Variants in ATP1B3 observed in about 807,000 individuals in gnomAD.
ATP1B3 encodes sodium/potassium-transporting ATPase subunit beta-3.
ATP1B3 carries 10 observed loss-of-function variants against 30.2 expected under a neutral mutation model. The observed-to-expected ratio is 0.33, with a 90% CI of 0.20 to 0.56. The LOEUF (loss-of-function observed/expected upper bound fraction) is 0.56. Among genes scored for constraint, ATP1B3 ranks in the 20% least tolerant of loss-of-function variants. ATP1B3 has a pLI of 0.90. For synonymous variants in ATP1B3, 113 were observed against 117.0 expected, an observed-to-expected ratio of 0.97 and a Z score of 0.22; for missense variants, 238 against 336.7, an observed-to-expected ratio of 0.71 and a Z score of 2.29.
chr3:141,904,774 ATCTCGGC>A (rs1462846545), intron 2 of ATP1B3, among the ~76,000 whole-genome samples: 2 of 120,834 alleles, frequency 1.7e-5, no homozygotes, highest in African/African-American at 6.6e-5. Context: ...CAATGGTGTG[ATCTCGGC>A]TCACTGCAAC....
chr3:141,898,477 A>G (rs1934109138), intron 1 of ATP1B3, among the ~76,000 whole-genome samples: 1 of 152,234 alleles, frequency 6.6e-6, no homozygotes, highest in Non-Finnish European at 1.5e-5. Flanking sequence ...AAATATACAG[A>G]TAACCAATGA....
At chr3:141,914,248 T>C (rs533108904) in intron 4 of ATP1B3, among the ~76,000 whole-genome samples, 15 of 152,326 alleles carry the variant, frequency 9.8e-5, no homozygotes, top group South Asian at 4.1e-4. Flanking sequence ...TTTAAACTTA[T>C]TAACTTTTTC....
intron 6 of ATP1B3, among the ~76,000 whole-genome samples, chr3:141,922,901 G>T (rs980650363): frequency 1.3e-5 from 2 of 152,198 alleles, no homozygotes; most frequent in African/African-American, 4.8e-5. Flanking sequence ...GGGAGTCGGA[G>T]GTTACAGTGA....
At chr3:141,908,579 G>A (rs926066266) in intron 3 of ATP1B3, among the ~76,000 whole-genome samples, 1 of 152,142 alleles carries the variant, frequency 6.6e-6, no homozygotes, top group Non-Finnish European at 1.5e-5. Flanking sequence ...ATAATTACTG[G>A]ATGTAGCTCA....
Position 141,903,845 on chromosome 3 carries a change from G to C in ATP1B3, c.238+97G>C, listed in dbSNP as rs918077474. 42 of 1,418,312 alleles carry C rather than the reference G, an allele frequency of 3.0e-5. No individual in the cohort carries two copies. In the Admixed American group the frequency reaches 8.5e-4, roughly 29 times the overall value. The allele number at this position is 1,418,312 out of a possible 1,614,324, so 87.9% of individuals were successfully genotyped here. ...TGCCCAGGCTGGAATGCAGTGGCAT[G>C]ATCTTGGGTCACTGCAACCTCTGCC... On this transcript the variant is annotated intron_variant, in intron 2 of 6. Transcript: ENST00000286371.
chr3:141,902,122 T>A (rs1482434231), intron 1 of ATP1B3: 2 of 1,289,408 alleles, frequency 1.6e-6, no homozygotes, highest in Admixed American at 4.6e-5. Flanking sequence ...TGGTCTTTTC[T>A]TTTTCTGCAA....
In ATP1B3 at chr3:141,882,570, A is replaced by C. The variant is rs77494940; in HGVS notation, c.109+5660A>C. ...TTGGGACTCCCAAAGCTGCATATCT[A>C]ATCATACAATTTTGTTTTGTTTTGT... On this transcript the variant is annotated intron_variant, in intron 1 of 6. Coordinates refer to ENST00000286371, the MANE Select transcript of ATP1B3 (RefSeq NM_001679.4). Among the ~76,000 whole-genome samples, 887 of 152,094 alleles carry C rather than the reference A, an allele frequency of 5.8e-3. 5 individuals are homozygous for C. Among genetic ancestry groups the C allele is most frequent in the African/African-American group, 0.02 (842 of 41,500 alleles).
At chr3:141,904,703 C>CTTTTTTTTTTTT (rs35178202) in intron 2 of ATP1B3, among the ~76,000 whole-genome samples, 6 of 89,370 alleles carry the variant, frequency 6.7e-5, no homozygotes, top group Admixed American at 1.4e-4. Context: ...TTTAAACAGT[C>CTTTTTTTTTTTT]TTTTTTTTTT....
At chr3:141,881,519 A>G (rs1933725920) in intron 1 of ATP1B3, among the ~76,000 whole-genome samples, 2 of 152,120 alleles carry the variant, frequency 1.3e-5, no homozygotes, top group Non-Finnish European at 1.5e-5. Flanking sequence ...GCTTCATCCC[A>G]TCTGGGGCAT....
chr3:141,916,118 C>A, intron 5 of ATP1B3, 98 bp downstream of exon 5: 1 of 1,071,320 alleles, frequency 9.3e-7, no homozygotes, highest in Non-Finnish European at 1.4e-6. Flanking sequence ...TTCCCTGTCA[C>A]ATTTTAAAGT....
chr3:141,897,061 C>G (rs922445847), intron 1 of ATP1B3, among the ~76,000 whole-genome samples: 1 of 152,134 alleles, frequency 6.6e-6, no homozygotes, highest in Non-Finnish European at 1.5e-5. Flanking sequence ...GCCCAAGCTC[C>G]CTGTTCCCAC....
intron 3 of ATP1B3, 35 bp from the exon 4 acceptor site, chr3:141,913,617 G>T (rs1251981374): frequency 2.7e-6 from 4 of 1,498,960 alleles, no homozygotes; most frequent in African/African-American, 1.4e-5. Flanking sequence ...TACCTTTTTT[G>T]GCTGATCTAG....
intron 6 of ATP1B3, among the ~76,000 whole-genome samples, chr3:141,923,925 G>A (rs191008341): frequency 5.3e-4 from 80 of 152,324 alleles, no homozygotes; most frequent in African/African-American, 1.7e-3. Flanking sequence ...GAGGGACATG[G>A]TATCATTTCA....
At chr3:141,916,938 G>A (rs923914178) in intron 5 of ATP1B3, among the ~76,000 whole-genome samples, 13 of 151,688 alleles carry the variant, frequency 8.6e-5, no homozygotes, top group African/African-American at 2.9e-4. Flanking sequence ...CGATCTCACT[G>A]CAAGCTCCGC....
intron 1 of ATP1B3, among the ~76,000 whole-genome samples, chr3:141,889,233 G>A (rs554270607): frequency 8.2e-4 from 125 of 152,194 alleles, no homozygotes; most frequent in Admixed American, 4.8e-3. Flanking sequence ...TTTGAGATGA[G>A]ATTTGGGTGG....
intron 1 of ATP1B3, among the ~76,000 whole-genome samples, chr3:141,900,891 T>C (rs1934149386): frequency 1.3e-5 from 2 of 152,168 alleles, no homozygotes; most frequent in South Asian, 4.1e-4. Context: ...CAAGCAATTC[T>C]CCCATCTCAG....
chr3:141,876,676 G>C lies in ATP1B3; in HGVS notation c.-126G>C, dbSNP rs1933594541. 1.6e-6 allele frequency: 1 copy of C among 632,440 alleles called. No individual in the cohort carries two copies. The highest frequency in any genetic ancestry group is 2.7e-6 in the Non-Finnish European group (1 of 376,138). The allele number at this position is 632,440 out of a possible 1,614,324, so 39.2% of individuals were successfully genotyped here. On this transcript the variant is annotated 5_prime_UTR_variant, in exon 1 of 7. Coordinates refer to ENST00000286371, the MANE Select transcript of ATP1B3 (RefSeq NM_001679.4). ...CGAGTACTCCCCGTAACGAGGAGGT[G>C]TTCTCGGCCGTCCCACCCTTCACTG...
intron 3 of ATP1B3, among the ~76,000 whole-genome samples, chr3:141,910,209 T>C (rs1449210184): frequency 6.6e-6 from 1 of 152,162 alleles, no homozygotes; most frequent in Admixed American, 6.6e-5. Flanking sequence ...TGGCCTCAAG[T>C]GATCCACCTG....
chr3:141,906,206 G>A (rs1934263213), intron 2 of ATP1B3, among the ~76,000 whole-genome samples: 1 of 150,154 alleles, frequency 6.7e-6, no homozygotes, highest in Admixed American at 6.6e-5. Flanking sequence ...TTGAGACGAA[G>A]TCTCGCTCTG....
Sources: gnomAD v4.1 joint callset for allele counts (sites outside exome capture counted in the v4.1 genomes callset) on GRCh38, gnomAD v4.1.1 for gene constraint, MANE v1.5 for transcripts, NCBI Gene and HGNC (gene_info 2026-07-23, HGNC 2026-07-21) for gene names.